The following SIPA1L3 variants were observed in gnomAD, a reference collection of about 807,000 sequenced individuals.
SIPA1L3 encodes signal-induced proliferation-associated 1-like protein 3.
Under a neutral mutation model 150.1 loss-of-function variants are expected in SIPA1L3, and 59 were observed. The observed-to-expected ratio is 0.39, with a 90% CI of 0.32 to 0.49. The LOEUF (loss-of-function observed/expected upper bound fraction) is 0.49. Ranked by LOEUF, SIPA1L3 falls within the 20% of genes least tolerant of loss-of-function variation. The pLI is 0.86. For synonymous variants in SIPA1L3, 1,070 were observed against 1,077.6 expected (o/e 0.99, Z 0.14); for missense variants, 2,211 against 2,489.5 (o/e 0.89, Z 2.38).
intron 3 of SIPA1L3, among the ~76,000 whole-genome samples, chr19:38,087,478 G>A (rs1297241019): frequency 6.6e-6 from 1 of 152,180 alleles, no homozygotes; most frequent in African/African-American, 2.4e-5. Flanking sequence ...TAAACATTCA[G>A]TGTACCAGTA....
At chr19:37,997,877 A>AG (rs1555775296) in intron 1 of SIPA1L3, among the ~76,000 whole-genome samples, 3 of 151,814 alleles carry the variant, frequency 2.0e-5, no homozygotes, top group Non-Finnish European at 2.9e-5. Context: ...AAAAAAAAAA[A>AG]AAAAGAAAAG....
At chr19:38,025,182 C>T (rs1968476596) in intron 1 of SIPA1L3, among the ~76,000 whole-genome samples, 1 of 152,208 alleles carries the variant, frequency 6.6e-6, no homozygotes, top group Non-Finnish European at 1.5e-5. Context: ...CAGAGCCAAT[C>T]CCTATGGCTG....
At chr19:38,204,528 G>T (rs1973165457) in intron 21 of SIPA1L3, among the ~76,000 whole-genome samples, 1 of 152,222 alleles carries the variant, frequency 6.6e-6, no homozygotes. Flanking sequence ...ACTTTGGGAG[G>T]CCAAGGTGGT....
intron 1 of SIPA1L3, among the ~76,000 whole-genome samples, chr19:38,020,542 A>G (rs1968349908): frequency 1.3e-5 from 2 of 152,178 alleles, no homozygotes; most frequent in Non-Finnish European, 2.9e-5. Flanking sequence ...ACAGGAAGAA[A>G]AAGGATCCAC....
At chr19:38,200,086 T>C (rs1363140261) in intron 19 of SIPA1L3, 1 of 152,128 alleles carries the variant, frequency 6.6e-6, no homozygotes, top group Non-Finnish European at 1.5e-5. Context: ...ATTTTACTTA[T>C]TTATTTTTTA....
In SIPA1L3 at chr19:38,191,535, G is replaced by A. The variant is rs377420257; in HGVS notation, c.4431-610G>A. ...CTGACAATAGGCAAAGACACAGGTC[G>A]GGCACGGTGGCTCACACCTGTAATC... On this transcript the variant is annotated intron_variant, in intron 16 of 21. Coordinates refer to ENST00000222345, the MANE Select transcript of SIPA1L3 (RefSeq NM_015073.3). 2.7e-4 allele frequency among the ~76,000 whole-genome samples: 41 copies of A among 152,102 alleles called. 2 individuals are homozygous for A. The South Asian group carries it at 7.7e-3, about 29-fold the overall frequency.
At chr19:38,123,253 G>GTT (rs72041133) in intron 9 of SIPA1L3, among the ~76,000 whole-genome samples, 1 of 137,292 alleles carries the variant, frequency 7.3e-6, no homozygotes, top group African/African-American at 2.9e-5. Flanking sequence ...GGGTTTTGGA[G>GTT]TTTTTTTTTT....
intron 8 of SIPA1L3, among the ~76,000 whole-genome samples, chr19:38,112,061 C>T (rs1970771452): frequency 1.4e-5 from 2 of 144,396 alleles, no homozygotes; most frequent in African/African-American, 5.2e-5. Context: ...TGCACACACA[C>T]GTATGCACAC....
At position 38,130,578 on chromosome 19, in the gene SIPA1L3, C is replaced by T. The variant is rs753713539; in HGVS notation, c.2949C>T (p.Tyr983=). The T allele has an allele frequency of 1.4e-5, 23 of 1,613,754 alleles. No individual in the cohort carries two copies. The highest frequency in any genetic ancestry group is 7.7e-5 in the South Asian group (7 of 91,074). The part of the protein sequence containing the change: ...GLGQLGFHVK[Y]DGTVAEVEDY... ...GGCAGCTGGGCTTCCACGTGAAGTACGACGGCACGGTGGCCGAGGTTGAGG... is the reference window on the plus strand; with the variant it reads ...GGCAGCTGGGCTTCCACGTGAAGTATGACGGCACGGTGGCCGAGGTTGAGG... Residue 983 remains tyrosine, a synonymous_variant, in exon 10 of 22, where the codon TAC becomes TAT. Coordinates refer to ENST00000222345, the MANE Select transcript of SIPA1L3 (RefSeq NM_015073.3).
chr19:38,130,942 G>A (rs528715945), intron 10 of SIPA1L3, 170 bp downstream of exon 10: 23 of 675,712 alleles, frequency 3.4e-5, no homozygotes, highest in African/African-American at 1.8e-4. Flanking sequence ...TCTACAGAGC[G>A]CTTACTGTAT....
At chr19:38,182,910 G>A in intron 16 of SIPA1L3, 170 bp downstream of exon 16, 1 of 578,932 alleles carries the variant, frequency 1.7e-6, no homozygotes, top group East Asian at 2.9e-5. Flanking sequence ...AACCCCTCTT[G>A]GGGAGCTGGC....
At chr19:38,198,110 C>G (rs1973004288) in intron 18 of SIPA1L3, among the ~76,000 whole-genome samples, 1 of 152,222 alleles carries the variant, frequency 6.6e-6, no homozygotes, top group Admixed American at 6.5e-5. Flanking sequence ...TTAGCACTGG[C>G]TGTTCCGTCT....
intron 15 of SIPA1L3, among the ~76,000 whole-genome samples, chr19:38,177,639 T>C (rs1972466233): frequency 6.6e-6 from 1 of 152,250 alleles, no homozygotes; most frequent in Non-Finnish European, 1.5e-5. Context: ...TTTTATACCA[T>C]GCATCGTTTC....
At chr19:37,912,551 A>C (rs1284173261) in intron 1 of SIPA1L3, among the ~76,000 whole-genome samples, 1 of 152,106 alleles carries the variant, frequency 6.6e-6, no homozygotes, top group Non-Finnish European at 1.5e-5. Flanking sequence ...GCTGGAGTGC[A>C]GTGGCGTCAT....
Position 38,082,171 on chromosome 19 carries a change from C to A in SIPA1L3, c.606C>A (p.Tyr202Ter), listed in dbSNP as rs764806224. The A allele has an allele frequency of 6.2e-7, 1 of 1,604,952 alleles. No homozygotes were observed. The highest frequency in any genetic ancestry group is 8.5e-7 in the Non-Finnish European group (1 of 1,179,744). ...HTGALPLFRE[Y>*]GSTSSIDVQG... ...GGGCGCTGCCCCTCTTCCGCGAGTACGGGAGCACCTCGTCCATCGACGTGC... is the reference window on the plus strand; with the variant it reads ...GGGCGCTGCCCCTCTTCCGCGAGTAAGGGAGCACCTCGTCCATCGACGTGC... Residue 202 changes from tyrosine to a stop codon, truncating the protein, a stop_gained, in exon 3 of 22, where the codon TAC (tyrosine) becomes TAA (stop). Transcript: ENST00000222345. LOFTEE classifies it high-confidence loss of function.
intron 15 of SIPA1L3, among the ~76,000 whole-genome samples, chr19:38,169,176 G>A (rs1009002490): frequency 7.2e-5 from 11 of 152,202 alleles, no homozygotes; most frequent in African/African-American, 2.6e-4. Flanking sequence ...ATCACTTGAG[G>A]CCAGGAGTTC....
At chr19:38,103,012 A>C (rs12982030) in intron 6 of SIPA1L3, among the ~76,000 whole-genome samples, 47,014 of 151,900 alleles carry the variant, frequency 0.31, 8,079 homozygotes, top group East Asian at 0.6. Context: ...CTATAATCCC[A>C]GCTACTTGGG....
intron 9 of SIPA1L3, among the ~76,000 whole-genome samples, chr19:38,121,395 G>T (rs764833268): frequency 1.3e-5 from 2 of 151,664 alleles, no homozygotes; most frequent in Admixed American, 1.3e-4. Context: ...CTGAGATCAC[G>T]CCACTGCGCT....
At chr19:38,084,462 G>C (rs1970078453) in intron 3 of SIPA1L3, among the ~76,000 whole-genome samples, 1 of 150,620 alleles carries the variant, frequency 6.6e-6, no homozygotes, top group Non-Finnish European at 1.5e-5. Flanking sequence ...TGCACTTAGT[G>C]GCCACACCTG....
Sources: gnomAD v4.1 joint callset for allele counts (sites outside exome capture counted in the v4.1 genomes callset) on GRCh38, gnomAD v4.1.1 for gene constraint, MANE v1.5 for transcripts, NCBI Gene and HGNC (gene_info 2026-07-23, HGNC 2026-07-21) for gene names.